WDFY3: variants seen among roughly 807,000 people sequenced by gnomAD.
WDFY3 encodes WD repeat and FYVE domain-containing protein 3.
WDFY3 carries 66 observed loss-of-function variants against 409.6 expected under a neutral mutation model. The observed-to-expected ratio is 0.16, with a 90% confidence interval of 0.13 to 0.20. The LOEUF is 0.20. Among genes scored for constraint, WDFY3 ranks in the 10% least tolerant of loss-of-function variants. WDFY3 has a pLI of 1.00. For synonymous variants in WDFY3, 1,521 were observed against 1,537.1 expected, an observed-to-expected ratio of 0.99 and a Z score of 0.25; for missense variants, 3,031 against 4,298.1, an observed-to-expected ratio of 0.71 and a Z score of 8.24.
chr4:84,798,892 C>CT (rs36030261), intron 17 of WDFY3, among the ~76,000 whole-genome samples: 67,898 of 151,932 alleles, frequency 0.45, 15,756 homozygotes, highest in African/African-American at 0.55. Flanking sequence ...CTGTCCATTT[C>CT]TGTAGTTGAA....
intron 4 of WDFY3, among the ~76,000 whole-genome samples, chr4:84,855,488 A>G (rs898382833): frequency 1.3e-5 from 2 of 152,220 alleles, no homozygotes; most frequent in African/African-American, 4.8e-5. Context: ...ACTCAGGGAA[A>G]GCAAATTAAT....
Position 84,892,932 on chromosome 4 carries a change from A to G in WDFY3, c.-32+3979T>C, listed in dbSNP as rs148798029. ...AGTTCACAGCAGAACAGAAACCTGA[A>G]TGAATGAGGGAGCAATCCCTAAGAA... On this transcript the variant is annotated intron_variant, in intron 3 of 67. Transcript: ENST00000295888. Among the ~76,000 whole-genome samples, 8 of 152,376 alleles carry G rather than the reference A, an allele frequency of 5.3e-5. No homozygotes were observed. The East Asian group carries it at 7.7e-4, about 15-fold the overall frequency.
intron 53 of WDFY3, among the ~76,000 whole-genome samples, chr4:84,708,245 T>A (rs144307442): frequency 3.3e-4 from 50 of 152,326 alleles, no homozygotes; most frequent in African/African-American, 1.1e-3. Context: ...GTATAAAAAA[T>A]TTCTTTTATA....
rs1403736003 is a variant in WDFY3 at position 84,692,877 on chromosome 4, T to C, written c.9049+8A>G. ...CATTAATCAAAAGTTTATTTCTCAT[T>C]ATTTTACCTTTTACAGGTGTTAGAG... is the stretch of plus-strand genomic sequence containing the variant. On this transcript the variant is annotated splice_region_variant and intron_variant, in intron 59 of 67. Coordinates refer to ENST00000295888, the MANE Select transcript of WDFY3 (RefSeq NM_014991.6). 6.3e-7 allele frequency: 1 copy of C among 1,584,590 alleles called. No individual in the cohort carries two copies. Among genetic ancestry groups the C allele is most frequent in the Non-Finnish European group, 8.5e-7 (1 of 1,171,994 alleles).
chr4:84,826,765 TTC>T (rs1045973654), intron 10 of WDFY3, 48 bp downstream of exon 10: 1 of 1,508,922 alleles, frequency 6.6e-7, no homozygotes, highest in African/African-American at 1.4e-5. Context: ...GACAAATTCA[TTC>T]TTTCTCTATT....
rs376467913 is a variant in WDFY3 at position 84,915,682 on chromosome 4, C to T, written c.-132+16588G>A. ...TTTCTATTTCCACATCTAGAATTCT[C>T]TCTTTAAGCCAGCTTAAAAATGGGG... On this transcript the variant is annotated intron_variant, in intron 2 of 67. Transcript: ENST00000295888. 5.3e-5 allele frequency among the ~76,000 whole-genome samples: 8 copies of T among 152,258 alleles called. No homozygotes were observed. The East Asian group carries it at 1.4e-3, about 26-fold the overall frequency.
rs185330725 is a variant in WDFY3 at position 84,907,810 on chromosome 4, C to T, written c.-131-10800G>A. ...AGACTCACTGTCTTACAGGGATAGA[C>T]GGGATATACAAGAGGATAGAGGATA... On this transcript the variant is annotated intron_variant, in intron 2 of 67. Transcript: ENST00000295888. 2.6e-5 allele frequency among the ~76,000 whole-genome samples: 4 copies of T among 152,116 alleles called. No homozygotes were observed. The East Asian group carries it at 7.7e-4, about 29-fold the overall frequency.
chr4:84,682,622 G>A (rs1727567344), intron 63 of WDFY3, 152 bp from the exon 64 acceptor site: 1 of 653,576 alleles, frequency 1.5e-6, no homozygotes, highest in Non-Finnish European at 2.7e-6. Context: ...GGAAGATGTG[G>A]CAGCGGGCTG....
At chr4:84,941,800 T>C (rs1007608120) in intron 1 of WDFY3, among the ~76,000 whole-genome samples, 4 of 152,002 alleles carry the variant, frequency 2.6e-5, no homozygotes, top group African/African-American at 9.7e-5. Flanking sequence ...GTAATCAAGA[T>C]AGTGTGGCAG....
At chr4:84,797,297 T>C (rs1749626892) in intron 18 of WDFY3, among the ~76,000 whole-genome samples, 1 of 152,118 alleles carries the variant, frequency 6.6e-6, no homozygotes, top group Non-Finnish European at 1.5e-5. Context: ...AATTTAAAGA[T>C]TCCCATATTT....
At chr4:84,679,308 C>G in intron 64 of WDFY3, 66 bp from the exon 65 acceptor site, 1 of 1,409,058 alleles carries the variant, frequency 7.1e-7, no homozygotes, top group Non-Finnish European at 9.4e-7. Context: ...CTTTGTTCTG[C>G]TAGTATTTTT....
intron 24 of WDFY3, among the ~76,000 whole-genome samples, chr4:84,785,514 C>T (rs1004412400): frequency 1.3e-5 from 2 of 152,102 alleles, no homozygotes; most frequent in Admixed American, 6.6e-5. Context: ...AGCACCATCA[C>T]CTTCTAACAT....
At position 84,690,613 on chromosome 4, in the gene WDFY3, T is replaced by A; in HGVS notation, c.9256A>T (p.Ile3086Phe). 6.2e-7 allele frequency: 1 copy of A among 1,614,162 alleles called. No individual in the cohort carries two copies. Among genetic ancestry groups the A allele is most frequent in the Admixed American group, 1.7e-5 (1 of 60,020 alleles). The change falls in exon 61 of 68, where the codon ATC becomes TTC. Residue 3086 changes from isoleucine (I) to phenylalanine (F), a missense_variant. Physicochemically the swap from Ile to Phe is conservative, Grantham distance 21. Transcript: ENST00000295888. ...LSEWGQILCA[I>F]CPNPKLVITG... ...ATGACCAGCTTGGGGTTGGGGCAGA[T>A]TGCACAGAGAATCTGGCCCCACTCA...
intron 1 of WDFY3, among the ~76,000 whole-genome samples, chr4:84,960,847 C>T (rs533080781): frequency 1.3e-5 from 2 of 152,202 alleles, no homozygotes; most frequent in South Asian, 4.1e-4. Flanking sequence ...AACGGGGCAA[C>T]CCAGTATTCT....
At chr4:84,765,119 T>C (rs1560701003) in intron 32 of WDFY3, among the ~76,000 whole-genome samples, 2 of 152,316 alleles carry the variant, frequency 1.3e-5, no homozygotes, top group African/African-American at 2.4e-5. Context: ...TTTAAAATTA[T>C]TTAACTGAAT....
chr4:84,875,564 T>A (rs1762671618), intron 3 of WDFY3, among the ~76,000 whole-genome samples: 1 of 152,204 alleles, frequency 6.6e-6, no homozygotes, highest in Non-Finnish European at 1.5e-5. Context: ...ACTCTTACTT[T>A]ATGAACTTTC....
chr4:84,761,020 G>A (rs2149358317), intron 32 of WDFY3, among the ~76,000 whole-genome samples: 1 of 151,338 alleles, frequency 6.6e-6, no homozygotes, highest in East Asian at 1.9e-4. Context: ...TGTTCTCGTT[G>A]GTTTCAAAGA....
In WDFY3 at chr4:84,787,659, C is replaced by T; in HGVS notation, c.3724G>A (p.Val1242Met). ...GGSGSANPPV[V>M]STVYAYIGTP... is the part of the protein sequence containing the mutation. ...CCAATGTAGGCATAGACCGTGCTCACCACTGGTGGATTTGCCGAACCTGAA... is the reference window on the plus strand; with the variant it reads ...CCAATGTAGGCATAGACCGTGCTCATCACTGGTGGATTTGCCGAACCTGAA... The change falls in exon 23 of 68, where the codon GTG becomes ATG. Residue 1242 changes from valine (V) to methionine (M), a missense_variant. Coordinates refer to ENST00000295888, the MANE Select transcript of WDFY3 (RefSeq NM_014991.6). 1 of 1,614,114 alleles carries T rather than the reference C, an allele frequency of 6.2e-7. No individual in the cohort carries two copies. Among genetic ancestry groups the T allele is most frequent in the Non-Finnish European group, 8.5e-7 (1 of 1,179,994 alleles).
In WDFY3 at chr4:84,671,473, GT is replaced by G. The variant is rs993411683; in HGVS notation, c.*1394del. On this transcript the variant is annotated 3_prime_UTR_variant, in exon 68 of 68. Transcript: ENST00000295888. ...GAAAATGTTAAAATCTAGATTAATTGTTTCATTTTTAATATATATTATATAT... is the reference window on the plus strand; with the variant it reads ...GAAAATGTTAAAATCTAGATTAATTGTTCATTTTTAATATATATTATATAT... 11 of 149,716 alleles carry G rather than the reference GT, an allele frequency of 7.3e-5. No homozygotes were observed. Among genetic ancestry groups the G allele is most frequent in the Non-Finnish European group, 1.2e-4 (8 of 67,450 alleles). 9.3% of individuals were successfully genotyped at this position (149,716 alleles called of 1,614,324 possible). A position where few individuals can be genotyped will look rare whatever the true frequency, so the allele number is the denominator to read the frequency against.
Sources: gnomAD v4.1 joint callset for allele counts (sites outside exome capture counted in the v4.1 genomes callset) on GRCh38, gnomAD v4.1.1 for gene constraint, MANE v1.5 for transcripts, NCBI Gene and HGNC (gene_info 2026-07-23, HGNC 2026-07-21) for gene names.